The following MYO1D variants were observed in gnomAD, a reference collection of about 807,000 sequenced individuals.
The protein encoded by MYO1D is unconventional myosin-Id.
In MYO1D, 83 loss-of-function variants were observed where a neutral mutation model predicts 122.0. The observed-to-expected ratio is 0.68, with a 90% CI of 0.57 to 0.82. The LOEUF is 0.82. Among genes scored for constraint, MYO1D ranks in the 40% least tolerant of loss-of-function variants. The pLI, the probability that MYO1D is intolerant of heterozygous loss-of-function variation, is 0.00. For synonymous variants in MYO1D, 464 were observed against 446.9 expected (o/e 1.04, Z -0.48); for missense variants, 1,157 against 1,269.5 (o/e 0.91, Z 1.35).
At chr17:32,542,305 C>G (rs988616931) in intron 21 of MYO1D, among the ~76,000 whole-genome samples, 3 of 152,118 alleles carry the variant, frequency 2.0e-5, no homozygotes, top group Admixed American at 6.5e-5. Context: ...ACTGAAGAAC[C>G]TCTCTGTTTT....
chr17:32,775,279 T>A (rs1477564768), intron 4 of MYO1D, among the ~76,000 whole-genome samples: 2 of 147,030 alleles, frequency 1.4e-5, no homozygotes, highest in Non-Finnish European at 3.1e-5. Context: ...CCAGCCTGGA[T>A]GACAGAGTGA....
At chr17:32,844,366 A>AG (rs2090915123) in intron 1 of MYO1D, among the ~76,000 whole-genome samples, 1 of 147,012 alleles carries the variant, frequency 6.8e-6, no homozygotes, top group African/African-American at 2.5e-5. Context: ...TATATATTAT[A>AG]TATAGTATAT....
chr17:32,550,019 C>G (rs74971951), intron 21 of MYO1D, among the ~76,000 whole-genome samples: 43 of 151,922 alleles, frequency 2.8e-4, no homozygotes, highest in African/African-American at 1.0e-3. Context: ...ATGAAAAGAT[C>G]AGTATTAATA....
chr17:32,786,777 G>A (rs1382580127), intron 1 of MYO1D, among the ~76,000 whole-genome samples: 4 of 152,048 alleles, frequency 2.6e-5, no homozygotes, highest in African/African-American at 7.3e-5. Context: ...CTGAGATCGC[G>A]CCACTTCACT....
intron 21 of MYO1D, among the ~76,000 whole-genome samples, chr17:32,571,867 C>G (rs2087232491): frequency 6.6e-6 from 1 of 152,230 alleles, no homozygotes; most frequent in South Asian, 2.1e-4. Flanking sequence ...CCTTAACCCA[C>G]TGCTGGTTCT....
At chr17:32,756,376 C>T (rs1598069938) in intron 10 of MYO1D, 1 of 209,740 alleles carries the variant, frequency 4.8e-6, no homozygotes, top group South Asian at 1.9e-4. Context: ...TTTAAACAGC[C>T]TTACTCTGAT....
intron 1 of MYO1D, among the ~76,000 whole-genome samples, chr17:32,814,126 A>G (rs1461644801): frequency 6.6e-6 from 1 of 152,182 alleles, no homozygotes; most frequent in Non-Finnish European, 1.5e-5. Context: ...TGGGCAGATC[A>G]TGAGGTCAAG....
intron 1 of MYO1D, among the ~76,000 whole-genome samples, chr17:32,822,986 A>T (rs933109746): frequency 1.3e-5 from 2 of 152,224 alleles, no homozygotes; most frequent in African/African-American, 4.8e-5. Flanking sequence ...TATAATAAAA[A>T]TAAATAAATA....
At chr17:32,542,116 T>C (rs1910853718) in intron 21 of MYO1D, among the ~76,000 whole-genome samples, 1 of 152,174 alleles carries the variant, frequency 6.6e-6, no homozygotes, top group South Asian at 2.1e-4. Flanking sequence ...CTTACCCTTC[T>C]CAGAGGTATT....
At chr17:32,685,519 A>G (rs2088992895) in intron 16 of MYO1D, among the ~76,000 whole-genome samples, 1 of 152,224 alleles carries the variant, frequency 6.6e-6, no homozygotes. Context: ...TCCACTGTTT[A>G]ACTATATAAT....
intron 20 of MYO1D, among the ~76,000 whole-genome samples, 154 bp from the exon 21 acceptor site, chr17:32,605,395 A>G (rs566506831): frequency 6.6e-6 from 1 of 152,192 alleles, no homozygotes; most frequent in South Asian, 2.1e-4. Context: ...TGGAGTTTGA[A>G]TCCAGCCTGG....
chr17:32,760,179 G>C (rs2089984831), intron 10 of MYO1D, 111 bp downstream of exon 10: 1 of 923,764 alleles, frequency 1.1e-6, no homozygotes, highest in African/African-American at 1.6e-5. Flanking sequence ...GAAAGCTAAG[G>C]TTCAGATGTT....
chr17:32,663,870 T>C (rs768246504), intron 16 of MYO1D, among the ~76,000 whole-genome samples: 6 of 152,226 alleles, frequency 3.9e-5, no homozygotes, highest in Non-Finnish European at 7.3e-5. Context: ...GAAGAACATA[T>C]CGATTTTTTA....
In MYO1D at chr17:32,765,084, G is replaced by A. The variant is rs771986747; in HGVS notation, c.832-3C>T. 1.9e-6 allele frequency: 3 copies of A among 1,605,110 alleles called. No individual in the cohort carries two copies. Among genetic ancestry groups the A allele is most frequent in the African/African-American group, 2.7e-5 (2 of 74,674 alleles). On this transcript the variant is annotated splice_polypyrimidine_tract_variant and splice_region_variant and intron_variant, in intron 7 of 21. Transcript: ENST00000318217. The stretch of plus-strand genomic sequence containing the variant: ...TCTACTACAAATTTTAAATTTCCCT[G>A]TATCAAAAGTGAAAAAAATAACACA...
At chr17:32,589,951 A>C (rs1483231750) in intron 21 of MYO1D, among the ~76,000 whole-genome samples, 2 of 152,102 alleles carry the variant, frequency 1.3e-5, no homozygotes, top group Admixed American at 6.6e-5. Flanking sequence ...TCTTTTTGGC[A>C]TGTGGGGCCC....
chr17:32,610,230 C>A (rs919068523), intron 20 of MYO1D, among the ~76,000 whole-genome samples: 6 of 152,094 alleles, frequency 3.9e-5, no homozygotes, highest in Non-Finnish European at 8.8e-5. Flanking sequence ...TCGGCCACAA[C>A]CCCCTCTCAG....
chr17:32,536,474 T>G (rs1910668540), intron 21 of MYO1D, among the ~76,000 whole-genome samples: 1 of 152,258 alleles, frequency 6.6e-6, no homozygotes, highest in South Asian at 2.1e-4. Context: ...AACTAACTTT[T>G]ATTATCATGG....
In MYO1D at chr17:32,728,767, C is replaced by T. The variant is rs573517998; in HGVS notation, c.1747-7578G>A. On this transcript the variant is annotated intron_variant, in intron 14 of 21. Coordinates refer to ENST00000318217, the MANE Select transcript of MYO1D (RefSeq NM_015194.3). ...ATAATGTATAAAATCATGTAGGCAA[C>T]GCAATCTTATAAGGCATCATATGAA... Among the ~76,000 whole-genome samples the T allele has an allele frequency of 7.2e-5, 11 of 152,182 alleles. No homozygotes were observed. In the South Asian group the frequency reaches 8.3e-4, roughly 11 times the overall value.
intron 10 of MYO1D, 188 bp downstream of exon 10, chr17:32,760,102 G>C (rs554511027): frequency 9.7e-6 from 7 of 719,112 alleles, no homozygotes; most frequent in Non-Finnish European, 1.8e-5. Context: ...CAACAAGGCA[G>C]TCTATCAAAT....
Sources: gnomAD v4.1 joint callset for allele counts (sites outside exome capture counted in the v4.1 genomes callset) on GRCh38, gnomAD v4.1.1 for gene constraint, MANE v1.5 for transcripts, NCBI Gene and HGNC (gene_info 2026-07-23, HGNC 2026-07-21) for gene names.